Variants in PDE6B observed in about 807,000 individuals in gnomAD.
PDE6B encodes phosphodiesterase 6B, also known as rod cGMP-specific 3',5'-cyclic phosphodiesterase subunit beta.
PDE6B carries 106 observed loss-of-function variants against 109.0 expected under a neutral mutation model. The observed-to-expected ratio is 0.97, with a 90% CI of 0.83 to 1.14. PDE6B has a LOEUF of 1.14. Ranked by LOEUF, PDE6B falls within the 50% of genes most tolerant of loss-of-function variation. PDE6B has a pLI of 0.00. For missense variants in PDE6B, 1,193 were observed against 1,155.6 expected (o/e 1.03, Z -0.47); for synonymous variants, 490 against 471.3 (o/e 1.04, Z -0.51).
chr4:653,463 T>TCC, intron 3 of PDE6B: 1 of 620,086 alleles, frequency 1.6e-6, no homozygotes, highest in Non-Finnish European at 2.4e-6. Flanking sequence ...ACAGGCGGCC[T>TCC]GACGTGCGGA....
At chr4:643,759 G>A (rs1735057767) in intron 3 of PDE6B, among the ~76,000 whole-genome samples, 1 of 149,882 alleles carries the variant, frequency 6.7e-6, no homozygotes, top group African/African-American at 2.5e-5. Flanking sequence ...TTAATTTGAA[G>A]TTCTTTTTCT....
rs759975134 is a variant in PDE6B at position 648,543 on chromosome 4, C to T, written c.712-5309C>T. 6.6e-6 allele frequency among the ~76,000 whole-genome samples: 1 copy of T among 152,188 alleles called. No homozygotes were observed. Among genetic ancestry groups the T allele is most frequent in the Non-Finnish European group, 1.5e-5 (1 of 68,048 alleles). ...GCTCCCCCCTCCCTCTGTCCCGGGC[C>T]CTCACCTGGACAATCAGGAACTACC... On this transcript the variant is annotated intron_variant, in intron 3 of 21. Coordinates refer to ENST00000496514, the MANE Select transcript of PDE6B (RefSeq NM_000283.4). The surrounding 1 kb of genome is among the most constrained non-coding windows in gnomAD (Gnocchi z 4.5).
At position 663,745 on chromosome 4, in the gene PDE6B, G is replaced by A; in HGVS notation, c.1921-25G>A. 1 of 1,589,096 alleles carries A rather than the reference G, an allele frequency of 6.3e-7. No homozygotes were observed. Among genetic ancestry groups the A allele is most frequent in the Non-Finnish European group, 8.6e-7 (1 of 1,158,972 alleles). On this transcript the variant is annotated intron_variant, in intron 15 of 21. Coordinates refer to ENST00000496514, the MANE Select transcript of PDE6B (RefSeq NM_000283.4). This position sits in a 1 kb window ranked among gnomAD's most constrained non-coding sequence, Gnocchi z 4.0. ...CCTGAGAGGTGGCCGCAGGGCGCCTGACGCGCTGGGCATAACCTCCGCAGA... is the reference window on the plus strand; with the variant it reads ...CCTGAGAGGTGGCCGCAGGGCGCCTAACGCGCTGGGCATAACCTCCGCAGA...
intron 3 of PDE6B, among the ~76,000 whole-genome samples, chr4:647,012 C>G (rs1053931244): frequency 6.6e-6 from 1 of 151,944 alleles, no homozygotes; most frequent in Middle Eastern, 3.4e-3. Context: ...TGCCCACCAC[C>G]GCGGCCCGGC....
chr4:664,301 C>A, intron 17 of PDE6B, 80 bp downstream of exon 17: 1 of 815,914 alleles, frequency 1.2e-6, no homozygotes, highest in Non-Finnish European at 2.2e-6. Flanking sequence ...AACCCTGCAG[C>A]CCTCCCCAGA....
At chr4:651,095 G>A (rs1417816359) in intron 3 of PDE6B, among the ~76,000 whole-genome samples, 3 of 151,004 alleles carry the variant, frequency 2.0e-5, no homozygotes, top group South Asian at 2.1e-4. Flanking sequence ...TGTCACAGGC[G>A]GGGCAGGGGC....
chr4:667,795 T>C, intron 20 of PDE6B, 61 bp from the exon 21 acceptor site: 1 of 1,556,748 alleles, frequency 6.4e-7, no homozygotes, highest in South Asian at 1.1e-5. Flanking sequence ...GGGGAAGGGC[T>C]ATCTTACTCT....
At chr4:628,577 G>C (rs749615848) in intron 1 of PDE6B, among the ~76,000 whole-genome samples, 1 of 152,226 alleles carries the variant, frequency 6.6e-6, no homozygotes, top group Non-Finnish European at 1.5e-5. Context: ...GAGTCTGCAG[G>C]GCAGGCAGGC....
chr4:628,578 G>A (rs934875326), intron 1 of PDE6B, among the ~76,000 whole-genome samples: 1 of 152,224 alleles, frequency 6.6e-6, no homozygotes, highest in Admixed American at 6.5e-5. Context: ...AGTCTGCAGG[G>A]CAGGCAGGCC....
rs776124623 is a variant in PDE6B, at chr4:654,815, G to C, written c.928-9G>C. The C allele has an allele frequency of 9.2e-5, 137 of 1,483,872 alleles. No individual in the cohort carries two copies. Among genetic ancestry groups the C allele is most frequent in the Non-Finnish European group, 1.2e-4 (132 of 1,061,244 alleles). The allele number at this position is 1,483,872 out of a possible 1,614,324, so 91.9% of individuals were successfully genotyped here. ...GGCAGCCCCCCGACCAGTGTCTTCT[G>C]CTTCTCAGGAAATTGTCTTCTACAA... On this transcript the variant is annotated splice_polypyrimidine_tract_variant and intron_variant, in intron 5 of 21. Coordinates refer to ENST00000496514, the MANE Select transcript of PDE6B (RefSeq NM_000283.4).
intron 3 of PDE6B, among the ~76,000 whole-genome samples, chr4:641,699 T>G (rs188533393): frequency 1.8e-3 from 280 of 152,264 alleles, no homozygotes; most frequent in African/African-American, 6.5e-3. Context: ...CAAGCTAGAG[T>G]GCAGTGGTGC....
In PDE6B at chr4:670,207, G is replaced by A. The variant is rs1017402625; in HGVS notation, c.*100G>A. The A allele has an allele frequency of 1.3e-6, 2 of 1,490,560 alleles. No homozygotes were observed. The highest frequency in any genetic ancestry group is 1.4e-5 in the African/African-American group (1 of 71,462). 92.3% of individuals were successfully genotyped at this position (1,490,560 alleles called of 1,614,324 possible). A position where few individuals can be genotyped will look rare whatever the true frequency, so the allele number is the denominator to read the frequency against. On this transcript the variant is annotated 3_prime_UTR_variant, in exon 22 of 22. Transcript: ENST00000496514. ...TGCTACAAGAGGTTAGGAAGCCCAA[G>A]AAAATGACTGAAGATCATTCTGGAT... is the stretch of plus-strand genomic sequence containing the variant.
In PDE6B at chr4:625,736, A is replaced by C; in HGVS notation, c.110A>C (p.Glu37Ala). 1 of 1,613,462 alleles carries C rather than the reference A, an allele frequency of 6.2e-7. No homozygotes were observed. The highest frequency in any genetic ancestry group is 8.5e-7 in the Non-Finnish European group (1 of 1,179,922). Residue 37 changes from glutamate (E) to alanine (A), a missense_variant, in exon 1 of 22, where the codon GAG becomes GCG. Transcript: ENST00000496514. This position sits in a 1 kb window ranked among gnomAD's most constrained non-coding sequence, Gnocchi z 5.0. ...CCTGAGAATGTGGCCGCGGCCTGCG[A>C]GGACGGGTGCCCGCCGGACTGCGAC... ...LSPENVAAACEDGCPPDCDSL... is the reference protein window; with the variant it reads ...LSPENVAAACADGCPPDCDSL...
chr4:658,466 G>A (rs1165004347), intron 10 of PDE6B, among the ~76,000 whole-genome samples: 2 of 150,824 alleles, frequency 1.3e-5, no homozygotes, highest in African/African-American at 4.9e-5. Flanking sequence ...GTCACCCAGG[G>A]GTCACAGCTG....
chr4:634,521 C>T (rs187613255), intron 1 of PDE6B, among the ~76,000 whole-genome samples, 156 bp from the exon 2 acceptor site: 169 of 152,276 alleles, frequency 1.1e-3, no homozygotes, highest in African/African-American at 3.9e-3. Flanking sequence ...CCAGCTTTCA[C>T]CGCCCGGTGG....
At chr4:654,700 C>G (rs562294439) in intron 5 of PDE6B, 124 bp from the exon 6 acceptor site, 4 of 781,504 alleles carry the variant, frequency 5.1e-6, no homozygotes, top group African/African-American at 1.7e-5. Context: ...TACACATGCA[C>G]GGTTACGTGT....
chr4:631,461 G>A (rs1015220789), intron 1 of PDE6B, among the ~76,000 whole-genome samples: 1 of 151,442 alleles, frequency 6.6e-6, no homozygotes, highest in African/African-American at 2.4e-5. Flanking sequence ...CTGTCTGAGG[G>A]TTACATTGTG....
intron 3 of PDE6B, chr4:653,312 G>A: frequency 9.5e-7 from 1 of 1,052,260 alleles, no homozygotes; most frequent in East Asian, 8.2e-5. Context: ...CCCAAGGAGG[G>A]CCCTGGGGTG....
At chr4:653,735 G>C in intron 3 of PDE6B, 117 bp from the exon 4 acceptor site, 1 of 1,142,104 alleles carries the variant, frequency 8.8e-7, no homozygotes, top group Non-Finnish European at 1.3e-6. Flanking sequence ...CGGCTGGGCA[G>C]GTGGTCAGAT....
Sources: gnomAD v4.1 joint callset for allele counts (sites outside exome capture counted in the v4.1 genomes callset) on GRCh38, gnomAD v4.1.1 for gene constraint, Gnocchi (gnomAD v3.1) non-coding constraint, MANE v1.5 for transcripts, NCBI Gene and HGNC (gene_info 2026-07-23, HGNC 2026-07-21) for gene names.